HSD17B12: variants seen among roughly 807,000 people sequenced by gnomAD.
The protein encoded by HSD17B12 is hydroxysteroid 17-beta dehydrogenase 12, also known as very-long-chain 3-oxoacyl-CoA reductase.
Under a neutral mutation model 39.3 loss-of-function variants are expected in HSD17B12, and 32 were observed. That is an observed-to-expected ratio of 0.81 (90% CI 0.61 to 1.09). The LOEUF (loss-of-function observed/expected upper bound fraction) is 1.09, where lower values mean the gene tolerates loss of function less well. Ranked by LOEUF, HSD17B12 falls within the 50% of genes least tolerant of loss-of-function variation. The pLI is 0.00. For synonymous variants in HSD17B12, 150 were observed against 146.7 expected, an observed-to-expected ratio of 1.02 and a Z score of -0.16; for missense variants, 342 against 382.9, an observed-to-expected ratio of 0.89 and a Z score of 0.89.
At chr11:43,780,215 G>GGCGTGGGCGTGC (rs1950751010) in intron 3 of HSD17B12, among the ~76,000 whole-genome samples, 1 of 152,062 alleles carries the variant, frequency 6.6e-6, no homozygotes, top group Non-Finnish European at 1.5e-5. Flanking sequence ...GCCCAGGCTA[G>GGCGTGGGCGTGC]AGTGCAATGG....
At chr11:43,694,271 A>G (rs1223220324) in intron 1 of HSD17B12, among the ~76,000 whole-genome samples, 2 of 152,144 alleles carry the variant, frequency 1.3e-5, no homozygotes, top group African/African-American at 4.8e-5. Flanking sequence ...AAGAAATTGA[A>G]TCTAGGTTTT....
the HSD17B12 span, among the ~76,000 whole-genome samples, chr11:43,675,053 T>C: frequency 6.6e-6 from 1 of 152,372 alleles, no homozygotes; most frequent in South Asian, 2.1e-4. Flanking sequence ...AGGTATTTAT[T>C]GCATACCAAG....
chr11:43,832,783 A>G (rs1324579573), intron 7 of HSD17B12, among the ~76,000 whole-genome samples: 5 of 152,188 alleles, frequency 3.3e-5, no homozygotes, highest in African/African-American at 1.2e-4. Context: ...TAATCCCAGC[A>G]CTTTGGGAGG....
intron 3 of HSD17B12, among the ~76,000 whole-genome samples, chr11:43,781,257 G>C (rs999552295): frequency 6.6e-6 from 1 of 152,078 alleles, no homozygotes; most frequent in Non-Finnish European, 1.5e-5. Context: ...TTTGATGCCT[G>C]ATTAAAGAAA....
At chr11:43,747,007 T>C (rs1950417801) in intron 1 of HSD17B12, among the ~76,000 whole-genome samples, 2 of 152,214 alleles carry the variant, frequency 1.3e-5, no homozygotes, top group African/African-American at 4.8e-5. Flanking sequence ...GATTTGTAAA[T>C]AGGTCAGTGG....
At chr11:43,639,216 C>T in the HSD17B12 span, among the ~76,000 whole-genome samples, 7 of 152,148 alleles carry the variant, frequency 4.6e-5, no homozygotes, top group Admixed American at 4.6e-4. Flanking sequence ...CTCATCTGCA[C>T]TTTTGTAAGG....
intron 3 of HSD17B12, among the ~76,000 whole-genome samples, chr11:43,784,115 C>A (rs1304631740): frequency 6.6e-6 from 1 of 152,066 alleles, no homozygotes; most frequent in Non-Finnish European, 1.5e-5. Flanking sequence ...AAAAGAAATT[C>A]TTGGCCCTTT....
the HSD17B12 span, among the ~76,000 whole-genome samples, chr11:43,668,843 G>A: frequency 6.6e-6 from 1 of 151,610 alleles, no homozygotes; most frequent in Non-Finnish European, 1.5e-5. Context: ...GTGCCACCAT[G>A]TCCAGCTAAT....
chr11:43,748,711 A>G (rs1950438582), intron 1 of HSD17B12, among the ~76,000 whole-genome samples: 2 of 152,236 alleles, frequency 1.3e-5, no homozygotes, highest in Admixed American at 6.5e-5. Context: ...TCTCCCACAA[A>G]CATTTAAATC....
chr11:43,622,741 G>T, the HSD17B12 span, among the ~76,000 whole-genome samples: 1 of 151,944 alleles, frequency 6.6e-6, no homozygotes, highest in African/African-American at 2.4e-5. Context: ...ACTGGTTTAT[G>T]CACTTTGAAG....
At chr11:43,565,897 G>A in the HSD17B12 span, among the ~76,000 whole-genome samples, 684 of 152,258 alleles carry the variant, frequency 4.5e-3, 8 homozygotes, top group African/African-American at 0.015. Context: ...TTCTTCCATC[G>A]GTCCTGATTG....
intron 6 of HSD17B12, among the ~76,000 whole-genome samples, chr11:43,817,040 CTATATA>C (rs368591679): frequency 0.024 from 521 of 21,494 alleles, 7 homozygotes; most frequent in East Asian, 0.05. Flanking sequence ...ATATCTATAT[CTATATA>C]TATATATATA....
chr11:43,687,404 A>T (rs1201271565), intron 1 of HSD17B12, among the ~76,000 whole-genome samples: 1 of 152,222 alleles, frequency 6.6e-6, no homozygotes, highest in Non-Finnish European at 1.5e-5. Flanking sequence ...CAAAATGAAT[A>T]AACTGTGCTA....
At chr11:43,723,565 G>A (rs935057653) in intron 1 of HSD17B12, among the ~76,000 whole-genome samples, 1 of 152,158 alleles carries the variant, frequency 6.6e-6, no homozygotes, top group Non-Finnish European at 1.5e-5. Context: ...ATTGCCATTA[G>A]CATTTATTTT....
the HSD17B12 span, among the ~76,000 whole-genome samples, chr11:43,625,985 G>T: frequency 6.6e-6 from 1 of 151,284 alleles, no homozygotes; most frequent in South Asian, 2.1e-4. Context: ...CTTGATATTT[G>T]AAATACTAGT....
upstream of HSD17B12, among the ~76,000 whole-genome samples, chr11:43,678,348 A>G (rs1207759194): frequency 1.3e-5 from 2 of 152,042 alleles, no homozygotes; most frequent in Non-Finnish European, 2.9e-5. Flanking sequence ...TTGTAAGATG[A>G]GTAGATTGCA....
intron 3 of HSD17B12, among the ~76,000 whole-genome samples, chr11:43,793,427 A>T (rs1021820437): frequency 6.6e-6 from 1 of 152,170 alleles, no homozygotes; most frequent in African/African-American, 2.4e-5. Flanking sequence ...TGTAAATTAG[A>T]CTTCTTTTGT....
intron 1 of HSD17B12, among the ~76,000 whole-genome samples, chr11:43,716,263 A>C (rs1950122088): frequency 6.6e-6 from 1 of 152,188 alleles, no homozygotes; most frequent in Admixed American, 6.5e-5. Flanking sequence ...ATGAAAACAA[A>C]ACAAAAGCAA....
At chr11:43,679,181 T>C (rs1219565760), upstream of HSD17B12, among the ~76,000 whole-genome samples, 1 of 152,216 alleles carries the variant, frequency 6.6e-6, no homozygotes, top group African/African-American at 2.4e-5. Flanking sequence ...CTAGGTATTT[T>C]ATTTTCTTTG....
Sources: allele counts gnomAD v4.1 joint callset (sites outside exome capture counted in the v4.1 genomes callset), GRCh38; gene constraint gnomAD v4.1.1; transcripts MANE v1.5; gene names NCBI Gene and HGNC (gene_info 2026-07-23, HGNC 2026-07-21).